The following NEK6 variants were observed in gnomAD, a reference collection of about 807,000 sequenced individuals.
The protein encoded by NEK6 is NIMA related kinase 6.
NEK6 carries 27 observed loss-of-function variants against 43.5 expected under a neutral mutation model. The observed-to-expected ratio is 0.62, with a 90% CI of 0.46 to 0.86. The LOEUF (loss-of-function observed/expected upper bound fraction) is 0.86. NEK6 is among the 40% of genes least tolerant of loss of function. The pLI is 0.00. For synonymous variants in NEK6, 167 were observed against 164.1 expected, an observed-to-expected ratio of 1.02 and a Z score of -0.14; for missense variants, 318 against 414.4, an observed-to-expected ratio of 0.77 and a Z score of 2.02.
intron 7 of NEK6, among the ~76,000 whole-genome samples, chr9:124,337,955 T>G (rs1236720099): frequency 6.6e-6 from 1 of 152,218 alleles, no homozygotes; most frequent in Non-Finnish European, 1.5e-5. Flanking sequence ...GGGTGCGTAA[T>G]TGTACCTCAT....
At chr9:124,277,764 G>A (rs956951318) in intron 1 of NEK6, among the ~76,000 whole-genome samples, 1 of 152,214 alleles carries the variant, frequency 6.6e-6, no homozygotes, top group Non-Finnish European at 1.5e-5. Context: ...GTTCACGGGA[G>A]CGCGCCCGCA....
chr9:124,259,987 G>T (rs944337), intron 1 of NEK6, among the ~76,000 whole-genome samples: 37,421 of 151,546 alleles, frequency 0.25, 5,495 homozygotes, highest in South Asian at 0.35. Flanking sequence ...TCCCTTTTGC[G>T]GAGCAGAAGG....
In NEK6 at chr9:124,275,376, G is replaced by T. The variant is rs191140896; in HGVS notation, c.-30+17291G>T. The stretch of plus-strand genomic sequence containing the variant: ...TCTTCACTCCCAGCACTGTGGAGGG[G>T]TGACCTGGTTGATGACGGTCATGGA... On this transcript the variant is annotated intron_variant, in intron 1 of 9. Coordinates refer to ENST00000320246, the MANE Select transcript of NEK6 (RefSeq NM_014397.6). This position sits in a 1 kb window ranked among gnomAD's most constrained non-coding sequence, Gnocchi z 4.4. Among the ~76,000 whole-genome samples the T allele has an allele frequency of 2.0e-4, 30 of 152,318 alleles. 1 individual carries two copies. In the East Asian group the frequency reaches 5.6e-3, roughly 28 times the overall value.
At chr9:124,292,773 C>A in intron 1 of NEK6, 1 of 1,300,194 alleles carries the variant, frequency 7.7e-7, no homozygotes. Context: ...AGTTACCCAG[C>A]CTCTCCTCTG....
At chr9:124,303,508 A>G (rs1205548954) in intron 2 of NEK6, among the ~76,000 whole-genome samples, 1 of 152,230 alleles carries the variant, frequency 6.6e-6, no homozygotes, top group African/African-American at 2.4e-5. Context: ...GGACAGCTGC[A>G]TCAGCCCAAG....
chr9:124,303,791 C>T (rs975481465), intron 2 of NEK6, among the ~76,000 whole-genome samples: 7 of 152,162 alleles, frequency 4.6e-5, no homozygotes, highest in African/African-American at 1.2e-4. Context: ...AGCAGGGCCT[C>T]CTCGGGTAAT....
chr9:124,290,760 C>G (rs1212237532), intron 1 of NEK6, among the ~76,000 whole-genome samples: 1 of 152,242 alleles, frequency 6.6e-6, no homozygotes, highest in African/African-American at 2.4e-5. Flanking sequence ...CCCCTTTAGT[C>G]CAAACCCTGC....
chr9:124,287,968 G>T (rs1832236389), intron 1 of NEK6, among the ~76,000 whole-genome samples: 2 of 152,222 alleles, frequency 1.3e-5, no homozygotes, highest in African/African-American at 2.4e-5. Flanking sequence ...GGAGACAGTG[G>T]GGGAGGGGGC....
chr9:124,278,358 G>A (rs571189132), intron 1 of NEK6, among the ~76,000 whole-genome samples: 24 of 152,026 alleles, frequency 1.6e-4, no homozygotes, highest in African/African-American at 5.5e-4. Context: ...CTTTGTAGGC[G>A]TTGGGGGCAT....
intron 2 of NEK6, among the ~76,000 whole-genome samples, chr9:124,307,964 A>G (rs1833342045): frequency 6.6e-6 from 1 of 152,220 alleles, no homozygotes. Flanking sequence ...CAGGTCCACC[A>G]CTAGGCCCAT....
At chr9:124,266,570 C>T (rs562692104) in intron 1 of NEK6, among the ~76,000 whole-genome samples, 1 of 152,316 alleles carries the variant, frequency 6.6e-6, no homozygotes, top group African/African-American at 2.4e-5. Context: ...GCCAGGGCCC[C>T]TGAGCATCCG....
intron 1 of NEK6, chr9:124,265,933 C>T (rs1293456323): frequency 6.6e-6 from 1 of 152,278 alleles, no homozygotes; most frequent in Non-Finnish European, 1.5e-5. Context: ...CCTCTCACCA[C>T]CTGGTGGGGA....
chr9:124,270,040 G>A (rs1831376750), intron 1 of NEK6, among the ~76,000 whole-genome samples: 1 of 152,004 alleles, frequency 6.6e-6, no homozygotes, highest in Non-Finnish European at 1.5e-5. Flanking sequence ...CACCTGGAAT[G>A]TGCCAGCTGC....
At position 124,327,456 on chromosome 9, in the gene NEK6, C is replaced by A. The variant is rs775885488; in HGVS notation, c.622+11C>A. ...CAGCCCACTCCCTAGGTAAGGGGGACCTGTCTGTGCCCCAGCAGCCCCCAG... is the reference window on the plus strand; with the variant it reads ...CAGCCCACTCCCTAGGTAAGGGGGAACTGTCTGTGCCCCAGCAGCCCCCAG... On this transcript the variant is annotated intron_variant, in intron 7 of 9. Transcript: ENST00000320246. 6 of 1,600,720 alleles carry A rather than the reference C, an allele frequency of 3.7e-6. No homozygotes were observed. Among genetic ancestry groups the A allele is most frequent in the East Asian group, 2.2e-5 (1 of 44,844 alleles).
intron 1 of NEK6, chr9:124,258,337 C>A: frequency 1.0e-6 from 1 of 985,154 alleles, no homozygotes; most frequent in South Asian, 4.7e-5. Context: ...GTGTGCACCC[C>A]GGAGCGTCTG....
At chr9:124,327,635 C>G (rs1426319144) in intron 7 of NEK6, among the ~76,000 whole-genome samples, 190 bp downstream of exon 7, 1 of 152,230 alleles carries the variant, frequency 6.6e-6, no homozygotes, top group Non-Finnish European at 1.5e-5. Context: ...AGGAGCCCAG[C>G]TGGGGCTTCC....
At chr9:124,291,826 G>T in intron 1 of NEK6, 2 of 985,586 alleles carry the variant, frequency 2.0e-6, no homozygotes, top group Non-Finnish European at 1.2e-6. Context: ...CGTGGCGGCT[G>T]TGACAAGTTC....
chr9:124,293,733 C>T (rs780810060), intron 1 of NEK6, among the ~76,000 whole-genome samples: 15 of 152,314 alleles, frequency 9.8e-5, no homozygotes, highest in Non-Finnish European at 2.1e-4. Context: ...ATTCTGCCAA[C>T]GCCCCCTGGG....
At chr9:124,269,665 G>A (rs906725669) in intron 1 of NEK6, among the ~76,000 whole-genome samples, 2 of 152,184 alleles carry the variant, frequency 1.3e-5, no homozygotes, top group Non-Finnish European at 2.9e-5. Flanking sequence ...TAAAATGTCG[G>A]ATGGGATTGG....
Sources: allele counts gnomAD v4.1 joint callset (sites outside exome capture counted in the v4.1 genomes callset), GRCh38; gene constraint gnomAD v4.1.1; non-coding constraint Gnocchi (gnomAD v3.1); transcripts MANE v1.5; gene names NCBI Gene and HGNC (gene_info 2026-07-23, HGNC 2026-07-21).